The following PTPRD variants were observed in gnomAD, a reference collection of about 807,000 sequenced individuals.
PTPRD encodes the protein receptor-type tyrosine-protein phosphatase delta.
In PTPRD, 34 loss-of-function variants were observed where a neutral mutation model predicts 214.5. The observed-to-expected ratio is 0.16, with a 90% CI of 0.12 to 0.21. The LOEUF is 0.21. Ranked by LOEUF, PTPRD falls within the 10% of genes least tolerant of loss-of-function variation. The probability of loss-of-function intolerance (pLI) is 1.00; values close to 1 mark genes in which losing one functional copy is unlikely to be tolerated. For missense variants in PTPRD, 2,545 were observed against 2,398.7 expected (o/e 1.06, Z -1.27); for synonymous variants, 1,128 against 845.7 (o/e 1.33, Z -5.79).
At chr9:9,876,276 T>C (rs2066841692) in intron 5 of PTPRD, among the ~76,000 whole-genome samples, 1 of 152,190 alleles carries the variant, frequency 6.6e-6, no homozygotes, top group South Asian at 2.1e-4. Flanking sequence ...ATATATGATT[T>C]CTTTCTAATA....
chr9:10,178,597 T>C (rs2099263145), intron 3 of PTPRD, among the ~76,000 whole-genome samples: 1 of 151,928 alleles, frequency 6.6e-6, no homozygotes, highest in African/African-American at 2.4e-5. Flanking sequence ...GAACAAACTA[T>C]TAAGTTGGAA....
intron 9 of PTPRD, among the ~76,000 whole-genome samples, chr9:9,209,203 G>C (rs2099946980): frequency 6.6e-6 from 1 of 152,106 alleles, no homozygotes; most frequent in East Asian, 1.9e-4. Flanking sequence ...TTCCTAATTA[G>C]CAATTTGTAG....
intron 10 of PTPRD, among the ~76,000 whole-genome samples, chr9:9,149,419 C>A (rs1244927750): frequency 6.6e-6 from 1 of 152,150 alleles, no homozygotes; most frequent in African/African-American, 2.4e-5. Flanking sequence ...AAACTCAGAG[C>A]TCTCTCATAA....
chr9:9,198,378 T>C (rs925345812), intron 9 of PTPRD, among the ~76,000 whole-genome samples: 13 of 152,046 alleles, frequency 8.6e-5, no homozygotes, highest in African/African-American at 2.9e-4. Flanking sequence ...AACCCTTATG[T>C]GAGCAATTTT....
intron 10 of PTPRD, among the ~76,000 whole-genome samples, chr9:9,153,161 G>C (rs2099878332): frequency 6.6e-6 from 1 of 152,176 alleles, no homozygotes; most frequent in Non-Finnish European, 1.5e-5. Context: ...CTGTAACTCA[G>C]CCAGTTTTAA....
At chr9:9,026,698 T>G (rs2099588407) in intron 10 of PTPRD, among the ~76,000 whole-genome samples, 1 of 152,018 alleles carries the variant, frequency 6.6e-6, no homozygotes, top group Non-Finnish European at 1.5e-5. Flanking sequence ...TCGACATTAA[T>G]GCTGAAGAAG....
intron 2 of PTPRD, among the ~76,000 whole-genome samples, chr9:10,449,947 C>A (rs1172079101): frequency 6.6e-6 from 1 of 151,658 alleles, no homozygotes; most frequent in African/African-American, 2.4e-5. Context: ...TTACCCCCAA[C>A]CCCGTGCTCT....
intron 2 of PTPRD, among the ~76,000 whole-genome samples, chr9:10,369,808 T>C (rs2097577987): frequency 6.6e-6 from 1 of 152,074 alleles, no homozygotes; most frequent in African/African-American, 2.4e-5. Context: ...CACATTAGAA[T>C]TTTTTAATGA....
chr9:8,703,710 T>A (rs2098139497), intron 12 of PTPRD, among the ~76,000 whole-genome samples: 1 of 152,182 alleles, frequency 6.6e-6, no homozygotes, highest in Non-Finnish European at 1.5e-5. Flanking sequence ...TTTTGTTGAT[T>A]TTGTCTAATC....
chr9:9,805,091 T>A (rs2099064585), intron 5 of PTPRD, among the ~76,000 whole-genome samples: 1 of 152,016 alleles, frequency 6.6e-6, no homozygotes. Context: ...TTAGAAAAAA[T>A]AAATACCATA....
intron 7 of PTPRD, among the ~76,000 whole-genome samples, chr9:9,661,030 T>G (rs973302612): frequency 3.3e-5 from 5 of 151,986 alleles, no homozygotes; most frequent in Non-Finnish European, 5.9e-5. Flanking sequence ...TTTTTGTTAC[T>G]AATAAACCAC....
chr9:9,922,876 T>C (rs889949767), intron 5 of PTPRD, among the ~76,000 whole-genome samples: 1 of 151,950 alleles, frequency 6.6e-6, no homozygotes, highest in Non-Finnish European at 1.5e-5. Context: ...CAATACATGA[T>C]TCTAGGTTGG....
chr9:8,613,224 T>C (rs2095508954), intron 14 of PTPRD, among the ~76,000 whole-genome samples: 1 of 152,176 alleles, frequency 6.6e-6, no homozygotes, highest in African/African-American at 2.4e-5. Context: ...AAAGCACATG[T>C]AGATTAAGAC....
intron 34 of PTPRD, among the ~76,000 whole-genome samples, chr9:8,442,400 G>C (rs912503377): frequency 7.0e-6 from 1 of 143,298 alleles, no homozygotes; most frequent in Admixed American, 6.7e-5. Context: ...ATTCTGCTAA[G>C]TAGAGTTTTT....
intron 2 of PTPRD, among the ~76,000 whole-genome samples, chr9:10,492,474 CT>C (rs2040632974): frequency 6.6e-6 from 1 of 152,082 alleles, no homozygotes; most frequent in African/African-American, 2.4e-5. Context: ...GGATGATTAG[CT>C]TTTTTTCATA....
chr9:8,353,681 G>A (rs1445196893), intron 39 of PTPRD, among the ~76,000 whole-genome samples: 5 of 151,548 alleles, frequency 3.3e-5, no homozygotes, highest in South Asian at 2.1e-4. Flanking sequence ...TGATCTGCCC[G>A]CCTCAGCCCC....
At chr9:10,446,993 T>C (rs754733756) in intron 2 of PTPRD, among the ~76,000 whole-genome samples, 4 of 152,172 alleles carry the variant, frequency 2.6e-5, no homozygotes, top group African/African-American at 9.7e-5. Context: ...AGCCCAAATA[T>C]ACTCTGATAA....
chr9:9,883,194 T>C (rs1248097229), intron 5 of PTPRD, among the ~76,000 whole-genome samples: 1 of 152,018 alleles, frequency 6.6e-6, no homozygotes, highest in Admixed American at 6.6e-5. Flanking sequence ...GCTTATACTT[T>C]TAAAAGATAA....
intron 5 of PTPRD, among the ~76,000 whole-genome samples, chr9:9,828,717 T>C (rs1371872732): frequency 1.3e-5 from 2 of 150,734 alleles, no homozygotes; most frequent in Admixed American, 1.3e-4. Context: ...AAGCAGGATT[T>C]TTTTTTTTTT....
Sources: allele counts gnomAD v4.1 joint callset (sites outside exome capture counted in the v4.1 genomes callset), GRCh38; gene constraint gnomAD v4.1.1; transcripts MANE v1.5; gene names NCBI Gene and HGNC (gene_info 2026-07-23, HGNC 2026-07-21).